The following LCORL variants were observed in gnomAD, a reference collection of about 807,000 sequenced individuals.
The protein encoded by LCORL is ligand-dependent nuclear receptor corepressor-like protein.
In LCORL, 41 loss-of-function variants were observed where a neutral mutation model predicts 141.8. The ratio of observed to expected loss-of-function variants is 0.29; its 90% CI spans 0.23 to 0.38. The LOEUF (loss-of-function observed/expected upper bound fraction) is 0.38, where lower values mean the gene tolerates loss of function less well. LCORL is among the 10% of genes least tolerant of loss of function. The pLI is 1.00. For synonymous variants in LCORL, 618 were observed against 694.1 expected, an observed-to-expected ratio of 0.89 and a Z score of 1.72; for missense variants, 1,759 against 2,035.0, an observed-to-expected ratio of 0.86 and a Z score of 2.61.
At chr4:17,905,079 T>G (rs1386293712) in intron 5 of LCORL, among the ~76,000 whole-genome samples, 1 of 152,200 alleles carries the variant, frequency 6.6e-6, no homozygotes, top group Non-Finnish European at 1.5e-5. Context: ...TCACTGTTTT[T>G]CCTGTTGTTG....
At chr4:17,873,333 A>G (rs1726574784) in intron 7 of LCORL, 55 bp downstream of exon 7, 2 of 1,077,340 alleles carry the variant, frequency 1.9e-6, no homozygotes, top group Non-Finnish European at 2.4e-6. Flanking sequence ...TACCTGTTAT[A>G]CTTTACTCAA....
intron 1 of LCORL, among the ~76,000 whole-genome samples, chr4:18,007,580 A>G (rs1241357277): frequency 1.3e-5 from 2 of 152,188 alleles, no homozygotes; most frequent in Non-Finnish European, 2.9e-5. Context: ...AATCTAATAC[A>G]CCTGAGTCTC....
intron 1 of LCORL, among the ~76,000 whole-genome samples, chr4:18,004,531 C>T (rs1388986750): frequency 1.3e-5 from 2 of 152,120 alleles, no homozygotes; most frequent in Non-Finnish European, 2.9e-5. Context: ...TCCCATAATC[C>T]AATCACCTCC....
intron 1 of LCORL, among the ~76,000 whole-genome samples, chr4:17,977,401 A>G (rs1292225244): frequency 6.6e-6 from 1 of 152,156 alleles, no homozygotes; most frequent in African/African-American, 2.4e-5. Flanking sequence ...TTCACATCCC[A>G]ATCACCACTT....
At chr4:17,933,337 C>T (rs955833995) in intron 4 of LCORL, among the ~76,000 whole-genome samples, 2 of 152,036 alleles carry the variant, frequency 1.3e-5, no homozygotes, top group African/African-American at 4.8e-5. Context: ...TGTTGTTGTT[C>T]AAGCACTGTT....
chr4:17,880,328 A>T (rs1316886906), intron 6 of LCORL: 1 of 512,480 alleles, frequency 2.0e-6, no homozygotes, highest in Non-Finnish European at 2.5e-6. Flanking sequence ...TAATAGTTGA[A>T]CACACATATA....
intron 1 of LCORL, among the ~76,000 whole-genome samples, chr4:17,999,823 G>A (rs1319863849): frequency 6.6e-6 from 1 of 152,154 alleles, no homozygotes; most frequent in Non-Finnish European, 1.5e-5. Flanking sequence ...CTTTTTGGCA[G>A]TTTCCAAATG....
intron 5 of LCORL, among the ~76,000 whole-genome samples, chr4:17,899,339 C>T (rs1459671329): frequency 6.6e-6 from 1 of 151,712 alleles, no homozygotes; most frequent in African/African-American, 2.4e-5. Context: ...CTAGCTAAGA[C>T]AGAAATGATG....
intron 3 of LCORL, 66 bp downstream of exon 3, chr4:17,962,904 A>AT (rs753721307): frequency 1.7e-5 from 14 of 832,252 alleles, no homozygotes; most frequent in African/African-American, 3.6e-5. Context: ...ACAAATTAAG[A>AT]TAAAAAAAAA....
At chr4:17,874,045 G>C (rs1404782247) in exon 7 of LCORL, 1 of 1,233,958 alleles carries the variant, frequency 8.1e-7, no homozygotes, top group Non-Finnish European at 1.0e-6. Flanking sequence ...CCTTGGAGTG[G>C]GATGTCAGCA....
At position 17,998,991 on chromosome 4, in the gene LCORL, T is replaced by A. The variant is rs1181051267; in HGVS notation, c.154+22607A>T. Among the ~76,000 whole-genome samples the A allele has an allele frequency of 8.5e-3, 495 of 58,466 alleles. 1 individual carries two copies. Among genetic ancestry groups the A allele is most frequent in the African/African-American group, 0.016 (256 of 16,010 alleles). The allele number at this position is 58,466 out of a possible 152,430, so 38.4% of individuals were successfully genotyped here. A position where few individuals can be genotyped will look rare whatever the true frequency, so the allele number is the denominator to read the frequency against. Reference sequence around the variant, plus strand: ...AAAAAAAAAAAAAAAAAAAAATATATATATATATATATACACACATATATA... The same window carrying A: ...AAAAAAAAAAAAAAAAAAAAATATAAATATATATATATACACACATATATA... On this transcript the variant is annotated intron_variant, in intron 1 of 7. Coordinates refer to ENST00000635767, the Ensembl canonical transcript of LCORL.
At chr4:17,883,220 T>C (rs1005457103) in intron 6 of LCORL, 2 of 983,188 alleles carry the variant, frequency 2.0e-6, no homozygotes, top group African/African-American at 3.5e-5. Flanking sequence ...TAATTTTTCT[T>C]AGTATGGAGA....
intron 1 of LCORL, among the ~76,000 whole-genome samples, chr4:18,005,374 A>G (rs1476270672): frequency 1.3e-5 from 2 of 152,034 alleles, no homozygotes; most frequent in African/African-American, 2.4e-5. Context: ...GCTGATGTTG[A>G]GTGTCTGCAG....
At chr4:17,919,807 CAA>C (rs748063274) in intron 4 of LCORL, among the ~76,000 whole-genome samples, 1 of 152,196 alleles carries the variant, frequency 6.6e-6, no homozygotes, top group Non-Finnish European at 1.5e-5. Context: ...AGTAGGACTC[CAA>C]TTCCCTGCCT....
intron 4 of LCORL, among the ~76,000 whole-genome samples, chr4:17,932,138 T>C (rs1053049030): frequency 6.6e-6 from 1 of 152,190 alleles, no homozygotes; most frequent in South Asian, 2.1e-4. Context: ...TCACTCCTTT[T>C]AGTCTTTTAA....
At chr4:17,861,357 T>C (rs1412825298) in intron 7 of LCORL, among the ~76,000 whole-genome samples, 1 of 152,218 alleles carries the variant, frequency 6.6e-6, no homozygotes, top group African/African-American at 2.4e-5. Flanking sequence ...TTCCACCCTC[T>C]GAATCAACAG....
chr4:17,976,386 C>G (rs994062321), intron 1 of LCORL, among the ~76,000 whole-genome samples: 1 of 152,080 alleles, frequency 6.6e-6, no homozygotes, highest in Admixed American at 6.5e-5. Context: ...TGTAGTATTC[C>G]ATTTTGTTGC....
At chr4:18,014,033 C>G (rs1724238633) in intron 1 of LCORL, among the ~76,000 whole-genome samples, 1 of 152,036 alleles carries the variant, frequency 6.6e-6, no homozygotes, top group Non-Finnish European at 1.5e-5. Flanking sequence ...GTCTCCAACT[C>G]CTGGGCTCAA....
chr4:17,860,566 G>C (rs936755178), intron 7 of LCORL, among the ~76,000 whole-genome samples: 1 of 152,100 alleles, frequency 6.6e-6, no homozygotes, highest in African/African-American at 2.4e-5. Context: ...ATATCATTTT[G>C]CTCCTGGTCC....
Sources: gnomAD v4.1 joint callset for allele counts (sites outside exome capture counted in the v4.1 genomes callset) on GRCh38, gnomAD v4.1.1 for gene constraint, MANE v1.5 for transcripts, NCBI Gene and HGNC (gene_info 2026-07-23, HGNC 2026-07-21) for gene names.